Variants in CLPB observed in about 807,000 individuals in gnomAD.
CLPB encodes ClpB family mitochondrial disaggregase.
Under a neutral mutation model 78.4 loss-of-function variants are expected in CLPB, and 40 were observed. The observed-to-expected ratio is 0.51, with a 90% CI of 0.40 to 0.66. CLPB has a LOEUF of 0.66. Among genes scored for constraint, CLPB ranks in the 30% least tolerant of loss-of-function variants. The pLI, the probability that CLPB is intolerant of heterozygous loss-of-function variation, is 0.00. For synonymous variants in CLPB, 333 were observed against 348.0 expected (o/e 0.96, Z 0.48); for missense variants, 780 against 886.9 (o/e 0.88, Z 1.53).
At chr11:72,352,346 G>A (rs891158715) in intron 5 of CLPB, 1 of 152,152 alleles carries the variant, frequency 6.6e-6, no homozygotes, top group African/African-American at 2.4e-5. Context: ...TCCATTGCAG[G>A]ATAAGTCCAG....
chr11:72,358,178 T>C (rs191345033), intron 5 of CLPB, among the ~76,000 whole-genome samples: 149 of 152,308 alleles, frequency 9.8e-4, no homozygotes, highest in Non-Finnish European at 1.6e-3. Flanking sequence ...GTCTCTCCAA[T>C]TAACTGATGT....
chr11:72,398,541 T>C (rs988053003), intron 3 of CLPB, among the ~76,000 whole-genome samples: 1 of 151,746 alleles, frequency 6.6e-6, no homozygotes, highest in Non-Finnish European at 1.5e-5. Context: ...TTTGGTAAAA[T>C]TGGATTTCTT....
chr11:72,314,922 AT>A (rs1292492258), intron 7 of CLPB, among the ~76,000 whole-genome samples: 1 of 152,196 alleles, frequency 6.6e-6, no homozygotes, highest in East Asian at 1.9e-4. Context: ...AGCAAGGAAC[AT>A]GCAAAGGTTT....
intron 11 of CLPB, among the ~76,000 whole-genome samples, chr11:72,296,783 G>C (rs1278226395): frequency 1.3e-5 from 2 of 152,204 alleles, no homozygotes; most frequent in Non-Finnish European, 2.9e-5. Flanking sequence ...CCGGTACAGA[G>C]TAGGTGTTTG....
At chr11:72,296,765 A>G (rs1401055173) in intron 11 of CLPB, among the ~76,000 whole-genome samples, 1 of 152,168 alleles carries the variant, frequency 6.6e-6, no homozygotes, top group Non-Finnish European at 1.5e-5. Context: ...TGTGTCCCAG[A>G]ACAGCGTCCG....
chr11:72,402,995 G>A lies in CLPB; in HGVS notation c.513C>T (p.Leu171=), dbSNP rs1017640223. Residue 171 remains leucine (L), a synonymous_variant, in exon 3 of 16, where the codon CTC becomes CTT. Coordinates refer to ENST00000538039, the MANE Select transcript of CLPB (RefSeq NM_001258392.3). ...NAKHRLGWTA[L]MVAAINRNNS... ...TGTTTCGGTTGATGGCTGCCACCAT[G>A]AGTGCTGTCCAGCCAAGTCTGTGCT... 12 of 1,613,856 alleles carry A rather than the reference G, an allele frequency of 7.4e-6. No homozygotes were observed. Among genetic ancestry groups the A allele is most frequent in the Non-Finnish European group, 8.5e-6 (10 of 1,180,016 alleles).
At chr11:72,310,234 G>A (rs1395121377) in intron 7 of CLPB, among the ~76,000 whole-genome samples, 4 of 152,182 alleles carry the variant, frequency 2.6e-5, no homozygotes, top group African/African-American at 9.7e-5. Flanking sequence ...TCTGGCCTCA[G>A]TAGAAACAGA....
Position 72,427,879 on chromosome 11 carries a change from G to T in CLPB, c.455+2433C>A, listed in dbSNP as rs1048894404. Among the ~76,000 whole-genome samples, 4 of 152,258 alleles carry T rather than the reference G, an allele frequency of 2.6e-5. No homozygotes were observed. The East Asian group carries it at 7.7e-4, about 29-fold the overall frequency. On this transcript the variant is annotated intron_variant, in intron 2 of 15. Coordinates refer to ENST00000538039, the MANE Select transcript of CLPB (RefSeq NM_001258392.3). Reference sequence around the variant, plus strand: ...CTGTCCTGCTATAGGCAGGTCTGTTGGGCAGAGCTAAGAGCCCAGGACATT... The same window carrying T: ...CTGTCCTGCTATAGGCAGGTCTGTTTGGCAGAGCTAAGAGCCCAGGACATT...
At chr11:72,337,247 C>T in intron 5 of CLPB, 1 of 397,706 alleles carries the variant, frequency 2.5e-6, no homozygotes, top group East Asian at 3.6e-5. Flanking sequence ...CTGAGCCCTG[C>T]TCAACATACG....
chr11:72,424,704 G>C (rs919263413), intron 2 of CLPB, among the ~76,000 whole-genome samples: 1 of 152,184 alleles, frequency 6.6e-6, no homozygotes, highest in Admixed American at 6.5e-5. Context: ...GGCTAACATG[G>C]TGAAACCCTG....
At chr11:72,370,806 C>T (rs764650227) in intron 4 of CLPB, among the ~76,000 whole-genome samples, 45 of 152,260 alleles carry the variant, frequency 3.0e-4, no homozygotes, top group South Asian at 2.1e-3. Flanking sequence ...TCATCATCAT[C>T]GTCATCTCAT....
At chr11:72,407,953 A>G (rs903021160) in intron 2 of CLPB, 20 of 620,766 alleles carry the variant, frequency 3.2e-5, no homozygotes, top group Middle Eastern at 8.7e-4. Context: ...AGCCTCTGCC[A>G]CCTACTATTC....
intron 3 of CLPB, among the ~76,000 whole-genome samples, chr11:72,394,680 A>T (rs1855353089): frequency 6.6e-6 from 1 of 152,202 alleles, no homozygotes. Flanking sequence ...GATTATCTTG[A>T]GCAACGATTC....
At chr11:72,305,468 G>A (rs1020858276) in intron 9 of CLPB, among the ~76,000 whole-genome samples, 1 of 152,204 alleles carries the variant, frequency 6.6e-6, no homozygotes, top group Non-Finnish European at 1.5e-5. Flanking sequence ...ACACAGCATC[G>A]TCACTTGATG....
At chr11:72,359,586 TA>T in intron 4 of CLPB, among the ~76,000 whole-genome samples, 1 of 152,218 alleles carries the variant, frequency 6.6e-6, no homozygotes. Flanking sequence ...TTTTAAAGCT[TA>T]AAAAATTTAT....
chr11:72,385,654 C>G (rs879579971), intron 3 of CLPB, among the ~76,000 whole-genome samples: 1 of 152,136 alleles, frequency 6.6e-6, no homozygotes, highest in Non-Finnish European at 1.5e-5. Context: ...GAAACCCTGT[C>G]TCTACTAAAA....
At chr11:72,359,352 G>T in intron 4 of CLPB, 1 of 372,328 alleles carries the variant, frequency 2.7e-6, no homozygotes, top group South Asian at 2.2e-5. Flanking sequence ...TATAATAGGA[G>T]AATATACCAG....
At chr11:72,338,005 C>T (rs546424609) in intron 5 of CLPB, among the ~76,000 whole-genome samples, 26 of 152,292 alleles carry the variant, frequency 1.7e-4, no homozygotes, top group Non-Finnish European at 2.9e-4. Context: ...TGATCCCTTG[C>T]CTTCAGGGAG....
At position 72,292,163 on chromosome 11, in the gene CLPB, C is replaced by G. The variant is rs1949463008; in HGVS notation, c.*1204G>C. 6.6e-6 allele frequency: 1 copy of G among 152,236 alleles called. No individual in the cohort carries two copies. Among genetic ancestry groups the G allele is most frequent in the South Asian group, 2.1e-4 (1 of 4,824 alleles). The allele number at this position is 152,236 out of a possible 1,614,324, so 9.4% of individuals were successfully genotyped here. ...CCCTGGATTCTGACTGCCTCATACCCACCATACTGTTAGGACATGCTTCCA... is the reference window on the plus strand; with the variant it reads ...CCCTGGATTCTGACTGCCTCATACCGACCATACTGTTAGGACATGCTTCCA... On this transcript the variant is annotated 3_prime_UTR_variant, in exon 16 of 16. Coordinates refer to ENST00000538039, the MANE Select transcript of CLPB (RefSeq NM_001258392.3).
Sources: gnomAD v4.1 joint callset for allele counts (sites outside exome capture counted in the v4.1 genomes callset) on GRCh38, gnomAD v4.1.1 for gene constraint, MANE v1.5 for transcripts, NCBI Gene and HGNC (gene_info 2026-07-23, HGNC 2026-07-21) for gene names.